FAM184B: variants seen among roughly 807,000 people sequenced by gnomAD.
FAM184B encodes the protein family with sequence similarity 184 member B.
FAM184B carries 111 observed loss-of-function variants against 135.9 expected under a neutral mutation model. The observed-to-expected ratio is 0.82, with a 90% confidence interval of 0.70 to 0.96. The LOEUF (loss-of-function observed/expected upper bound fraction) is 0.96. Ranked by LOEUF, FAM184B falls within the 40% of genes least tolerant of loss-of-function variation. The pLI, the probability that FAM184B is intolerant of heterozygous loss-of-function variation, is 0.00. For missense variants in FAM184B, 1,375 were observed against 1,323.9 expected, an observed-to-expected ratio of 1.04 and a Z score of -0.60; for synonymous variants, 552 against 524.8, an observed-to-expected ratio of 1.05 and a Z score of -0.71.
intron 1 of FAM184B, among the ~76,000 whole-genome samples, chr4:17,765,966 G>A (rs1423331321): frequency 1.3e-5 from 2 of 152,022 alleles, no homozygotes; most frequent in Admixed American, 1.3e-4. Flanking sequence ...TTCTGTCCGG[G>A]GTTATTCATT....
chr4:17,669,606 A>G (rs184115639), intron 7 of FAM184B, among the ~76,000 whole-genome samples: 44 of 152,332 alleles, frequency 2.9e-4, no homozygotes, highest in Admixed American at 1.1e-3. Context: ...GAACTGGCTA[A>G]GTTCTACATG....
intron 6 of FAM184B, among the ~76,000 whole-genome samples, chr4:17,691,264 A>G (rs1716726384): frequency 1.3e-5 from 2 of 152,206 alleles, no homozygotes; most frequent in Non-Finnish European, 2.9e-5. Context: ...TGTCATTTGT[A>G]TATAGAGATG....
In FAM184B at chr4:17,779,159, A is replaced by G. The variant is rs117148102; in HGVS notation, c.141+2000T>C. 4.3e-3 allele frequency among the ~76,000 whole-genome samples: 651 copies of G among 152,348 alleles called. 13 individuals carry two copies. In the East Asian group the frequency reaches 0.069, roughly 16 times the overall value. ...AAGAAGCAAGGAGAAAGAATGGTAAATGAAAAACACAAGATCTGATGGAAG... is the reference window on the plus strand; with the variant it reads ...AAGAAGCAAGGAGAAAGAATGGTAAGTGAAAAACACAAGATCTGATGGAAG... On this transcript the variant is annotated intron_variant, in intron 1 of 17. Transcript: ENST00000265018.
intron 12 of FAM184B, among the ~76,000 whole-genome samples, chr4:17,643,586 C>T (rs902235264): frequency 1.3e-5 from 2 of 152,208 alleles, no homozygotes; most frequent in Non-Finnish European, 2.9e-5. Flanking sequence ...CAGTGGCTCC[C>T]ACCCATCTAA....
chr4:17,776,305 G>C (rs1365720036), intron 1 of FAM184B, among the ~76,000 whole-genome samples: 1 of 152,188 alleles, frequency 6.6e-6, no homozygotes, highest in Non-Finnish European at 1.5e-5. Context: ...AGTTTACTGA[G>C]GATCTACTAT....
chr4:17,720,738 T>C (rs1341841042), intron 1 of FAM184B, among the ~76,000 whole-genome samples: 4 of 151,512 alleles, frequency 2.6e-5, no homozygotes, highest in African/African-American at 9.7e-5. Flanking sequence ...ATGCAAAAAT[T>C]AGCTGGGTGT....
intron 1 of FAM184B, among the ~76,000 whole-genome samples, chr4:17,765,996 T>A (rs1415169783): frequency 6.6e-6 from 1 of 152,196 alleles, no homozygotes; most frequent in East Asian, 1.9e-4. Flanking sequence ...AGGTTCATGA[T>A]CTAACTGGCT....
intron 1 of FAM184B, among the ~76,000 whole-genome samples, chr4:17,779,330 T>C (rs765071713): frequency 5.3e-5 from 8 of 152,238 alleles, no homozygotes; most frequent in Non-Finnish European, 1.0e-4. Context: ...AATGGTGGCC[T>C]ATTAATAACA....
intron 1 of FAM184B, among the ~76,000 whole-genome samples, chr4:17,777,516 A>G (rs920225386): frequency 6.6e-6 from 1 of 152,238 alleles, no homozygotes; most frequent in African/African-American, 2.4e-5. Context: ...AATCAAAATT[A>G]GGCAGAAAGA....
chr4:17,639,025 G>C (rs1200431723), intron 14 of FAM184B, among the ~76,000 whole-genome samples: 1 of 152,008 alleles, frequency 6.6e-6, no homozygotes, highest in Admixed American at 6.6e-5. Context: ...GTAGAGATGG[G>C]GTTTCGCCAT....
At chr4:17,722,801 A>G (rs928726866) in intron 1 of FAM184B, among the ~76,000 whole-genome samples, 1 of 152,190 alleles carries the variant, frequency 6.6e-6, no homozygotes, top group Admixed American at 6.5e-5. Context: ...TTTGGAAAGC[A>G]CCTTTGGTTG....
intron 1 of FAM184B, among the ~76,000 whole-genome samples, chr4:17,765,821 T>C (rs1718663786): frequency 1.3e-5 from 2 of 152,230 alleles, no homozygotes; most frequent in South Asian, 2.1e-4. Context: ...TTGTTCCTTC[T>C]GATATTCAGA....
intron 10 of FAM184B, among the ~76,000 whole-genome samples, chr4:17,653,915 A>ATAGAGGGAGGGG (rs1715703783): frequency 5.5e-4 from 1 of 1,802 alleles, no homozygotes. Flanking sequence ...AGCAGAGGTC[A>ATAGAGGGAGGGG]GAGAGGGAGG....
rs1162357413 is a variant in FAM184B, at chr4:17,633,876, C to T, written c.2902G>A (p.Glu968Lys). ...CTGACCACGCGGCTGGGCACGTCCTCCACCTTCTTTTTCTGTTTGTATTAA... is the reference window on the plus strand; with the variant it reads ...CTGACCACGCGGCTGGGCACGTCCTTCACCTTCTTTTTCTGTTTGTATTAA... Reference protein sequence around the residue: ...LTPSMKKKKVEDVPSRVVSVP... With the variant: ...LTPSMKKKKVKDVPSRVVSVP... Residue 968 changes from glutamate to lysine, a missense_variant, in exon 17 of 18, where the codon GAG becomes AAG. Transcript: ENST00000265018. 6.5e-7 allele frequency: 1 copy of T among 1,548,452 alleles called. No individual in the cohort carries two copies. The highest frequency in any genetic ancestry group is 2.4e-5 in the East Asian group (1 of 40,822).
At chr4:17,715,481 AC>A (rs1374515882) in intron 1 of FAM184B, among the ~76,000 whole-genome samples, 1 of 152,014 alleles carries the variant, frequency 6.6e-6, no homozygotes, top group Non-Finnish European at 1.5e-5. Flanking sequence ...ATCTCAAAAA[AC>A]AAAAACAAAA....
chr4:17,649,287 A>T (rs1427923478), intron 11 of FAM184B, among the ~76,000 whole-genome samples: 1 of 152,158 alleles, frequency 6.6e-6, no homozygotes, highest in Non-Finnish European at 1.5e-5. Context: ...TTTGGATGAT[A>T]TTAAGATGAA....
At chr4:17,701,532 C>T (rs1200070822) in intron 5 of FAM184B, among the ~76,000 whole-genome samples, 1 of 152,178 alleles carries the variant, frequency 6.6e-6, no homozygotes, top group Admixed American at 6.5e-5. Context: ...GTTTGAGAAC[C>T]CTCCATCTGA....
intron 1 of FAM184B, among the ~76,000 whole-genome samples, chr4:17,762,434 G>C (rs974364020): frequency 2.0e-5 from 3 of 152,184 alleles, no homozygotes; most frequent in Admixed American, 6.5e-5. Context: ...CCTAGCTTCA[G>C]ATTGTGTGGG....
At chr4:17,727,286 C>T (rs1006799416) in intron 1 of FAM184B, among the ~76,000 whole-genome samples, 2 of 152,134 alleles carry the variant, frequency 1.3e-5, no homozygotes, top group Non-Finnish European at 2.9e-5. Context: ...AGGATGAAGG[C>T]TCCGCAGGAC....
Sources: gnomAD v4.1 joint callset for allele counts (sites outside exome capture counted in the v4.1 genomes callset) on GRCh38, gnomAD v4.1.1 for gene constraint, MANE v1.5 for transcripts, NCBI Gene and HGNC (gene_info 2026-07-23, HGNC 2026-07-21) for gene names.